The following ZCCHC14 variants were observed in gnomAD, a reference collection of about 807,000 sequenced individuals.
ZCCHC14 encodes zinc finger CCHC domain-containing protein 14.
Under a neutral mutation model 85.0 loss-of-function variants are expected in ZCCHC14, and 16 were observed. The observed-to-expected ratio is 0.19, with a 90% CI of 0.13 to 0.29. The LOEUF is 0.29. Among genes scored for constraint, ZCCHC14 ranks in the 10% least tolerant of loss-of-function variants. The pLI is 1.00. For missense variants in ZCCHC14, 1,303 were observed against 1,443.5 expected (o/e 0.90, Z 1.58); for synonymous variants, 775 against 630.7 (o/e 1.23, Z -3.43).
intron 3 of ZCCHC14, among the ~76,000 whole-genome samples, chr16:87,430,469 C>T (rs1317212325): frequency 2.0e-5 from 3 of 151,872 alleles, no homozygotes; most frequent in African/African-American, 7.3e-5. Context: ...TTCGTTTCTT[C>T]TTTTCAAAAT....
intron 1 of ZCCHC14, among the ~76,000 whole-genome samples, chr16:87,485,166 G>A (rs776479477): frequency 4.6e-5 from 7 of 152,148 alleles, no homozygotes; most frequent in Non-Finnish European, 1.0e-4. Context: ...CTTTGTGGCC[G>A]GCATGTGAAG....
intron 1 of ZCCHC14, among the ~76,000 whole-genome samples, chr16:87,476,533 G>A (rs990005390): frequency 6.6e-5 from 10 of 151,956 alleles, no homozygotes; most frequent in African/African-American, 1.7e-4. Context: ...GGCGGGGTAC[G>A]GTATTAACTC....
Position 87,486,031 on chromosome 16 carries a change from T to A in ZCCHC14, c.570+5638A>T, listed in dbSNP as rs1043781534. 5.3e-5 allele frequency among the ~76,000 whole-genome samples: 8 copies of A among 152,296 alleles called. No homozygotes were observed. In the East Asian group the frequency reaches 1.5e-3, roughly 29 times the overall value. ...TCTACAACTGTGCTCCAGAACACAGTAGAAAACAGCAAAACTCAAATGTGT... is the reference window on the plus strand; with the variant it reads ...TCTACAACTGTGCTCCAGAACACAGAAGAAAACAGCAAAACTCAAATGTGT... On this transcript the variant is annotated intron_variant, in intron 1 of 12. Transcript: ENST00000671377.
intron 2 of ZCCHC14, among the ~76,000 whole-genome samples, chr16:87,444,930 T>C (rs538135253): frequency 5.9e-4 from 90 of 152,306 alleles, no homozygotes; most frequent in African/African-American, 2.0e-3. Flanking sequence ...GCAGTACTTA[T>C]TGTTTGCAGA....
At chr16:87,471,113 A>G (rs1296823337) in intron 1 of ZCCHC14, 1 of 152,208 alleles carries the variant, frequency 6.6e-6, no homozygotes. Context: ...CAAACAAAAT[A>G]CAGTAAACAT....
intron 6 of ZCCHC14, among the ~76,000 whole-genome samples, chr16:87,419,393 C>T (rs139752135): frequency 7.2e-5 from 11 of 152,362 alleles, no homozygotes; most frequent in African/African-American, 2.4e-4. Context: ...CACCGCCTCC[C>T]GGGTTCAAGT....
chr16:87,430,553 G>A (rs1385894819), intron 3 of ZCCHC14, among the ~76,000 whole-genome samples: 13 of 145,214 alleles, frequency 9.0e-5, no homozygotes, highest in East Asian at 4.0e-4. Flanking sequence ...ATGCAGTCTC[G>A]CTCTGTTGCC....
chr16:87,432,334 A>C (rs1909704233), intron 3 of ZCCHC14, among the ~76,000 whole-genome samples: 1 of 152,174 alleles, frequency 6.6e-6, no homozygotes, highest in Non-Finnish European at 1.5e-5. Flanking sequence ...CCAAGAAATT[A>C]AATCTGGCCA....
At chr16:87,480,203 A>T (rs1331960855) in intron 1 of ZCCHC14, among the ~76,000 whole-genome samples, 3 of 151,988 alleles carry the variant, frequency 2.0e-5, no homozygotes, top group Non-Finnish European at 4.4e-5. Context: ...GGAGATGGAG[A>T]CCATCCTGGC....
chr16:87,458,946 C>A (rs1281210159), intron 2 of ZCCHC14, among the ~76,000 whole-genome samples: 1 of 152,170 alleles, frequency 6.6e-6, no homozygotes, highest in Non-Finnish European at 1.5e-5. Context: ...ACCACACAAG[C>A]ATTTATTTTA....
At chr16:87,450,449 T>C (rs1466873279) in intron 2 of ZCCHC14, among the ~76,000 whole-genome samples, 1 of 152,258 alleles carries the variant, frequency 6.6e-6, no homozygotes, top group Admixed American at 6.5e-5. Context: ...CATGATATAA[T>C]TTATTTTTCT....
rs764032709 is a variant in ZCCHC14 at position 87,411,496 on chromosome 16, C to T, written c.3205+20G>A. ...TGGTCCTGCGGGAGCCTGGTGGGCG[C>T]GGCCATGGCGCGCGCTTACCTGGCC... On this transcript the variant is annotated intron_variant, in intron 12 of 12. Transcript: ENST00000671377. 1.9e-5 allele frequency: 31 copies of T among 1,611,724 alleles called. No individual in the cohort carries two copies. The highest frequency in any genetic ancestry group is 2.5e-5 in the Non-Finnish European group (29 of 1,179,336).
chr16:87,492,298 GCGCCGGGGGC>G lies in ZCCHC14; in HGVS notation c.-70_-61del. On this transcript the variant is annotated 5_prime_UTR_variant, in exon 1 of 13. Transcript: ENST00000671377. The surrounding 1 kb of genome is among the most constrained non-coding windows in gnomAD (Gnocchi z 6.7). Reference sequence around the variant, plus strand: ...GGGACCGCGCGGGGGCGGCCGGGGGGCGCCGGGGGCCGCGGCCGGGGCGCGCCGGGACCGG... The same window carrying G: ...GGGACCGCGCGGGGGCGGCCGGGGGGCGCGGCCGGGGCGCGCCGGGACCGG... 1.1e-6 allele frequency: 1 copy of G among 926,436 alleles called. No individual in the cohort carries two copies. Among genetic ancestry groups the G allele is most frequent in the Non-Finnish European group, 1.3e-6 (1 of 780,128 alleles). The allele number at this position is 926,436 out of a possible 1,614,324, so 57.4% of individuals were successfully genotyped here. A position where few individuals can be genotyped will look rare whatever the true frequency, so the allele number is the denominator to read the frequency against.
Position 87,411,653 on chromosome 16 carries a change from TACACC to T in ZCCHC14, c.3063_3067del (p.Val1022ProfsTer9), listed in dbSNP as rs1428362539. On this transcript the variant is annotated frameshift_variant, in exon 12 of 13. Transcript: ENST00000671377. LOFTEE classifies it high-confidence loss of function. The stretch of plus-strand genomic sequence containing the variant: ...ACTGCCCACCAGTCCTTGGGTCTGG[TACACC>T]CCTGCTGTCCCTGCCATGAAGTTCT... 1.9e-6 allele frequency: 3 copies of T among 1,613,964 alleles called. No homozygotes were observed. The highest frequency in any genetic ancestry group is 2.5e-6 in the Non-Finnish European group (3 of 1,179,966).
At chr16:87,454,786 G>A (rs1055687445) in intron 2 of ZCCHC14, among the ~76,000 whole-genome samples, 2 of 152,160 alleles carry the variant, frequency 1.3e-5, no homozygotes, top group African/African-American at 4.8e-5. Context: ...GTTTTACATG[G>A]TGCAGAGCAC....
chr16:87,439,348 T>A (rs1286926844), intron 2 of ZCCHC14, among the ~76,000 whole-genome samples: 1 of 152,128 alleles, frequency 6.6e-6, no homozygotes, highest in African/African-American at 2.4e-5. Flanking sequence ...TTGACCAGGC[T>A]GGCCTCAATC....
chr16:87,415,035 T>C (rs1010251331), intron 9 of ZCCHC14, among the ~76,000 whole-genome samples: 4 of 152,154 alleles, frequency 2.6e-5, no homozygotes, highest in African/African-American at 4.8e-5. Context: ...TGAGCCGAGA[T>C]TGCACCACTG....
chr16:87,460,558 C>A (rs2150759484), intron 1 of ZCCHC14, among the ~76,000 whole-genome samples: 1 of 152,218 alleles, frequency 6.6e-6, no homozygotes, highest in South Asian at 2.1e-4. Flanking sequence ...GGCGTGATGG[C>A]AAGTGCCTAT....
At chr16:87,434,428 C>T (rs1245688268) in intron 2 of ZCCHC14, among the ~76,000 whole-genome samples, 1 of 152,260 alleles carries the variant, frequency 6.6e-6, no homozygotes, top group African/African-American at 2.4e-5. Context: ...AAAGAGGCTA[C>T]GGGAGCATTC....
Sources: gnomAD v4.1 joint callset for allele counts (sites outside exome capture counted in the v4.1 genomes callset) on GRCh38, gnomAD v4.1.1 for gene constraint, Gnocchi (gnomAD v3.1) non-coding constraint, MANE v1.5 for transcripts, NCBI Gene and HGNC (gene_info 2026-07-23, HGNC 2026-07-21) for gene names.